Variants in SYT17 observed in about 807,000 individuals in gnomAD.
The protein encoded by SYT17 is synaptotagmin 17, also known as synaptotagmin-17.
SYT17 carries 22 observed loss-of-function variants against 46.7 expected under a neutral mutation model. That is an observed-to-expected ratio of 0.47 (90% CI 0.34 to 0.67). The LOEUF (loss-of-function observed/expected upper bound fraction) is 0.67, where lower values mean the gene tolerates loss of function less well. Among genes scored for constraint, SYT17 ranks in the 30% least tolerant of loss-of-function variants. The pLI, the probability that SYT17 is intolerant of heterozygous loss-of-function variation, is 0.01. For missense variants in SYT17, 519 were observed against 612.8 expected (o/e 0.85, Z 1.62); for synonymous variants, 251 against 248.4 (o/e 1.01, Z -0.10).
At chr16:19,242,665 A>G (rs1182365211) in intron 7 of SYT17, among the ~76,000 whole-genome samples, 1 of 152,106 alleles carries the variant, frequency 6.6e-6, no homozygotes, top group Non-Finnish European at 1.5e-5. Flanking sequence ...AGCTGGGACT[A>G]TAGGTGTGTG....
chr16:19,196,005 AC>A (rs1965227629), intron 5 of SYT17, among the ~76,000 whole-genome samples: 1 of 151,940 alleles, frequency 6.6e-6, no homozygotes, highest in Non-Finnish European at 1.5e-5. Flanking sequence ...ACCCACCAAA[AC>A]CAAAAAGACT....
rs376465552 is a variant in SYT17, at chr16:19,224,679, T to A, written c.1073-4T>A. On this transcript the variant is annotated splice_region_variant and splice_polypyrimidine_tract_variant and intron_variant, in intron 6 of 7. Coordinates refer to ENST00000355377, the MANE Select transcript of SYT17 (RefSeq NM_016524.4). ...CATTCTATGATGCTGTGTCTAATTT[T>A]CAGACCCCTTTGTGAAAATCCAGCT... is the stretch of plus-strand genomic sequence containing the variant. 7 of 1,613,882 alleles carry A rather than the reference T, an allele frequency of 4.3e-6. No individual in the cohort carries two copies. Among genetic ancestry groups the A allele is most frequent in the Non-Finnish European group, 5.1e-6 (6 of 1,179,894 alleles).
intron 5 of SYT17, among the ~76,000 whole-genome samples, chr16:19,219,655 A>G (rs1966234789): frequency 6.6e-6 from 1 of 152,068 alleles, no homozygotes; most frequent in Non-Finnish European, 1.5e-5. Flanking sequence ...CACCCAAGAA[A>G]TGTTCTTCCT....
intron 7 of SYT17, among the ~76,000 whole-genome samples, chr16:19,242,220 A>T (rs1967184915): frequency 6.6e-6 from 1 of 152,246 alleles, no homozygotes; most frequent in Admixed American, 6.5e-5. Flanking sequence ...GGGGTGAGAT[A>T]AATGATAAAT....
Position 19,267,068 on chromosome 16 carries a change from G to A in SYT17, c.1417G>A (p.Val473Met), listed in dbSNP as rs754832041. The A allele has an allele frequency of 3.1e-6, 5 of 1,601,704 alleles. No homozygotes were observed. The highest frequency in any genetic ancestry group is 4.3e-6 in the Non-Finnish European group (5 of 1,174,870). ...CDRVSPASLE[V>M]T ...CCGCGTGTCTCCTGCCTCCCTGGAG[G>A]TGACCTGAGGGCTGCAGGGAAGGCA... The change falls in exon 8 of 8, where the codon GTG becomes ATG. Residue 473 changes from valine (V) to methionine (M), a missense_variant. Coordinates refer to ENST00000355377, the MANE Select transcript of SYT17 (RefSeq NM_016524.4).
chr16:19,179,185 T>C (rs981131542), intron 3 of SYT17, among the ~76,000 whole-genome samples: 5 of 152,110 alleles, frequency 3.3e-5, no homozygotes, highest in African/African-American at 1.2e-4. Context: ...TGGAGTACAG[T>C]GGCACAATCA....
intron 7 of SYT17, among the ~76,000 whole-genome samples, chr16:19,233,552 A>G (rs1412691163): frequency 6.6e-6 from 1 of 151,986 alleles, no homozygotes; most frequent in Non-Finnish European, 1.5e-5. Context: ...GCTACTCAGG[A>G]GGCTGAGGTG....
Position 19,183,576 on chromosome 16 carries a change from T to C in SYT17, c.380T>C (p.Ile127Thr). Residue 127 changes from isoleucine (I) to threonine (T), a missense_variant, in exon 5 of 8, where the codon ATC becomes ACC. By Grantham distance (89) the Ile-to-Thr change is moderately conservative (BLOSUM62 -1). Transcript: ENST00000355377. The surrounding 1 kb of genome is among the most constrained non-coding windows in gnomAD (Gnocchi z 5.6). ...TCTCCACTCATCGATATTAAACCCA[T>C]CGAGTTTGGCGTTCTCAGCGCCAAG... is the stretch of plus-strand genomic sequence containing the variant. The part of the protein sequence containing the change: ...PSSPLIDIKP[I>T]EFGVLSAKKE... The C allele has an allele frequency of 3.1e-6, 5 of 1,614,180 alleles. No individual in the cohort carries two copies. Among genetic ancestry groups the C allele is most frequent in the Non-Finnish European group, 4.2e-6 (5 of 1,180,040 alleles).
intron 5 of SYT17, among the ~76,000 whole-genome samples, chr16:19,202,804 G>C (rs1394835241): frequency 6.6e-6 from 1 of 152,154 alleles, no homozygotes; most frequent in Non-Finnish European, 1.5e-5. Flanking sequence ...ATGGCTCACT[G>C]CAGCCTTGAC....
chr16:19,191,273 A>G (rs1428278622), intron 5 of SYT17, among the ~76,000 whole-genome samples: 1 of 152,068 alleles, frequency 6.6e-6, no homozygotes, highest in Non-Finnish European at 1.5e-5. Flanking sequence ...CTAAATTCGT[A>G]TGTTGAAATC....
chr16:19,218,617 G>C (rs1206426836), intron 5 of SYT17, among the ~76,000 whole-genome samples: 1 of 152,278 alleles, frequency 6.6e-6, no homozygotes. Context: ...GGGGAGGGAA[G>C]GAACAATTCT....
intron 5 of SYT17, among the ~76,000 whole-genome samples, chr16:19,194,890 G>T (rs537343642): frequency 6.6e-6 from 1 of 152,172 alleles, no homozygotes; most frequent in Non-Finnish European, 1.5e-5. Flanking sequence ...GAGCCATCAC[G>T]CCCAGCCAAA....
At chr16:19,181,591 GTA>G (rs1294254576) in intron 4 of SYT17, among the ~76,000 whole-genome samples, 2 of 152,116 alleles carry the variant, frequency 1.3e-5, no homozygotes, top group African/African-American at 4.8e-5. Context: ...GCGCTGTCTG[GTA>G]TAACAATCAC....
intron 7 of SYT17, among the ~76,000 whole-genome samples, chr16:19,261,025 G>C (rs1264189166): frequency 6.6e-6 from 1 of 152,006 alleles, no homozygotes; most frequent in Non-Finnish European, 1.5e-5. Context: ...AAAAATTGTA[G>C]AAAGAGAGTC....
At chr16:19,218,904 G>T (rs1966195254) in intron 5 of SYT17, among the ~76,000 whole-genome samples, 1 of 152,030 alleles carries the variant, frequency 6.6e-6, no homozygotes, top group Non-Finnish European at 1.5e-5. Flanking sequence ...TGCACATGTT[G>T]TTCCCTCTGC....
At chr16:19,186,057 C>A (rs1964776844) in intron 5 of SYT17, among the ~76,000 whole-genome samples, 1 of 152,186 alleles carries the variant, frequency 6.6e-6, no homozygotes, top group Admixed American at 6.5e-5. Flanking sequence ...GACAGCCGGG[C>A]CTGTTTCAGG....
At chr16:19,174,735 TTC>T (rs772002710) in intron 3 of SYT17, among the ~76,000 whole-genome samples, 3 of 151,990 alleles carry the variant, frequency 2.0e-5, no homozygotes, top group Admixed American at 6.5e-5. Flanking sequence ...AGAATAGTAT[TTC>T]TCTCAGAGTT....
At position 19,267,141 on chromosome 16, in the gene SYT17, C is replaced by T. The variant is rs780943391; in HGVS notation, c.*65C>T. On this transcript the variant is annotated 3_prime_UTR_variant, in exon 8 of 8. Coordinates refer to ENST00000355377, the MANE Select transcript of SYT17 (RefSeq NM_016524.4). ...AAAAAAAAGACGGAAAAAAATGTGT[C>T]ACATACTATTACATCCACACCTGCA... 2.2e-4 allele frequency: 315 copies of T among 1,407,870 alleles called. 1 individual carries two copies. The highest frequency in any genetic ancestry group is 3.0e-4 in the Admixed American group (12 of 39,906). 87.2% of individuals were successfully genotyped at this position (1,407,870 alleles called of 1,614,324 possible).
chr16:19,190,544 C>T (rs895387213), intron 5 of SYT17, among the ~76,000 whole-genome samples: 17 of 152,146 alleles, frequency 1.1e-4, no homozygotes, highest in Admixed American at 1.0e-3. Flanking sequence ...AAACCCTACA[C>T]CCATTAATCA....
Sources: gnomAD v4.1 joint callset for allele counts (sites outside exome capture counted in the v4.1 genomes callset) on GRCh38, gnomAD v4.1.1 for gene constraint, Gnocchi (gnomAD v3.1) non-coding constraint, MANE v1.5 for transcripts, NCBI Gene and HGNC (gene_info 2026-07-23, HGNC 2026-07-21) for gene names.